The following ZNF831 variants were observed in gnomAD, a reference collection of about 807,000 sequenced individuals.
ZNF831 encodes zinc finger protein 831, also known as chromosome 20 open reading frame 174.
A neutral mutation model predicts 95.8 loss-of-function variants in ZNF831; 59 were observed. The ratio of observed to expected loss-of-function variants is 0.62; its 90% CI spans 0.50 to 0.77. The LOEUF (loss-of-function observed/expected upper bound fraction) is 0.77. Among genes scored for constraint, ZNF831 ranks in the 30% least tolerant of loss-of-function variants. ZNF831 has a pLI of 0.00. For missense variants in ZNF831, 2,205 were observed against 2,164.0 expected, an observed-to-expected ratio of 1.02 and a Z score of -0.38; for synonymous variants, 961 against 925.5, an observed-to-expected ratio of 1.04 and a Z score of -0.70.
Position 59,207,075 on chromosome 20 carries a change from G to A in ZNF831, c.4027+19G>A. 1 of 1,612,206 alleles carries A rather than the reference G, an allele frequency of 6.2e-7. No homozygotes were observed. Among genetic ancestry groups the A allele is most frequent in the Non-Finnish European group, 8.5e-7 (1 of 1,178,888 alleles). ...ATAGCAGGTAATGCTCTCTTTGGAG[G>A]TGCATCCAGACTGGGCACTCGAAGG... On this transcript the variant is annotated intron_variant, in intron 4 of 5. Coordinates refer to ENST00000371030, the MANE Select transcript of ZNF831 (RefSeq NM_178457.3).
chr20:59,192,980 C>T lies in ZNF831; in HGVS notation c.1961C>T (p.Ala654Val). ...KAREVGMGSG[A>V]ELGFPLQKEA... ...AGGGAGGTGGGAATGGGCAGTGGGGCAGAACTGGGCTTTCCTCTGCAGAAA... is the reference window on the plus strand; with the variant it reads ...AGGGAGGTGGGAATGGGCAGTGGGGTAGAACTGGGCTTTCCTCTGCAGAAA... The change falls in exon 2 of 6, where the codon GCA (alanine) becomes GTA (valine). Residue 654 changes from alanine to valine, a missense_variant. Physicochemically the swap from Ala to Val is moderately conservative, Grantham distance 64. Transcript: ENST00000371030. This position sits in a 1 kb window ranked among gnomAD's most constrained non-coding sequence, Gnocchi z 5.2. 1 of 1,585,980 alleles carries T rather than the reference C, an allele frequency of 6.3e-7. No individual in the cohort carries two copies. The highest frequency in any genetic ancestry group is 2.2e-5 in the East Asian group (1 of 44,822).
chr20:59,136,713 G>A (rs928379250), intron 1 of ZNF831, among the ~76,000 whole-genome samples: 2 of 152,286 alleles, frequency 1.3e-5, no homozygotes, highest in South Asian at 2.1e-4. Flanking sequence ...TTCCTCACCA[G>A]ACTCCAGATT....
intron 4 of ZNF831, among the ~76,000 whole-genome samples, chr20:59,248,166 A>T (rs1987712778): frequency 6.6e-6 from 1 of 152,180 alleles, no homozygotes. Flanking sequence ...TCTCTCTAAT[A>T]AGAGTCCCAT....
rs773375248 is a variant in ZNF831 at position 59,192,889 on chromosome 20, G to A, written c.1870G>A (p.Gly624Arg). The change falls in exon 2 of 6, where the codon GGG becomes AGG. Residue 624 changes from glycine (G) to arginine (R), a missense_variant. Transcript: ENST00000371030. This position sits in a 1 kb window ranked among gnomAD's most constrained non-coding sequence, Gnocchi z 5.2. The part of the protein sequence containing the change: ...MFSQEKWQVY[G>R]DETFKRIYQK... ...CTCCCAGGAGAAGTGGCAGGTGTAC[G>A]GGGATGAGACGTTCAAAAGGATCTA... 4 of 1,596,542 alleles carry A rather than the reference G, an allele frequency of 2.5e-6. No individual in the cohort carries two copies. In the Admixed American group the frequency reaches 5.2e-5, roughly 21 times the overall value.
At chr20:59,155,112 A>T (rs1346356479) in intron 2 of ZNF831, among the ~76,000 whole-genome samples, 2 of 152,154 alleles carry the variant, frequency 1.3e-5, no homozygotes, top group African/African-American at 4.8e-5. Flanking sequence ...TTTCCCTGAC[A>T]CCTGGGAGGG....
At chr20:59,176,481 T>C (rs1305127453) in intron 1 of ZNF831, among the ~76,000 whole-genome samples, 1 of 152,162 alleles carries the variant, frequency 6.6e-6, no homozygotes, top group Non-Finnish European at 1.5e-5. Context: ...ATTAAAAAAA[T>C]ACATCCCATT....
chr20:59,246,227 CCTT>C (rs1345712040), intron 4 of ZNF831, among the ~76,000 whole-genome samples: 6 of 152,024 alleles, frequency 3.9e-5, no homozygotes, highest in African/African-American at 1.5e-4. Flanking sequence ...CCTTCACTCT[CCTT>C]CTCTGACAGG....
chr20:59,154,818 G>T (rs1449188746), intron 2 of ZNF831, among the ~76,000 whole-genome samples: 2 of 152,180 alleles, frequency 1.3e-5, no homozygotes, highest in African/African-American at 4.8e-5. Context: ...GCCTGGGGCT[G>T]AATCTTTCTT....
chr20:59,172,396 T>C (rs761022416), intron 1 of ZNF831, among the ~76,000 whole-genome samples: 1 of 152,166 alleles, frequency 6.6e-6, no homozygotes, highest in Non-Finnish European at 1.5e-5. Flanking sequence ...CCTGTCTCAA[T>C]AGTGGTGTCC....
intron 1 of ZNF831, among the ~76,000 whole-genome samples, chr20:59,164,615 G>GT (rs1054445651): frequency 5.9e-5 from 9 of 152,102 alleles, no homozygotes; most frequent in Admixed American, 3.9e-4. Context: ...ATTAGGCCAA[G>GT]TTTTTTATTT....
chr20:59,234,555 A>T (rs1421088046), intron 4 of ZNF831, among the ~76,000 whole-genome samples: 1 of 152,212 alleles, frequency 6.6e-6, no homozygotes, highest in Non-Finnish European at 1.5e-5. Flanking sequence ...TGACGGTAAC[A>T]TCCTAGAGGA....
exon 1 of ZNF831, chr20:59,123,401 CT>C (rs1315674067): frequency 6.6e-6 from 1 of 152,242 alleles, no homozygotes; most frequent in Non-Finnish European, 1.5e-5. Flanking sequence ...TGTGAACATC[CT>C]GTCTCACCAA....
chr20:59,123,828 G>A (rs1979079266), intron 1 of ZNF831, among the ~76,000 whole-genome samples: 2 of 152,188 alleles, frequency 1.3e-5, no homozygotes, highest in Non-Finnish European at 2.9e-5. Flanking sequence ...TCTAATCGGG[G>A]CATTTGATTT....
At chr20:59,229,764 C>T (rs917712955) in intron 4 of ZNF831, among the ~76,000 whole-genome samples, 1 of 152,112 alleles carries the variant, frequency 6.6e-6, no homozygotes, top group Non-Finnish European at 1.5e-5. Context: ...GTGGCATGAT[C>T]GCAGCAGCAG....
chr20:59,239,408 T>C (rs1490114977), intron 4 of ZNF831, among the ~76,000 whole-genome samples: 1 of 152,222 alleles, frequency 6.6e-6, no homozygotes, highest in East Asian at 1.9e-4. Context: ...TCATAACATA[T>C]TTTAAAAGAT....
chr20:59,197,423 G>C (rs1436818424), intron 3 of ZNF831, among the ~76,000 whole-genome samples: 1 of 152,192 alleles, frequency 6.6e-6, no homozygotes, highest in African/African-American at 2.4e-5. Context: ...CAAGGACCCA[G>C]ATTTGAACCA....
At chr20:59,218,520 G>A (rs1033879749) in intron 4 of ZNF831, among the ~76,000 whole-genome samples, 1 of 152,076 alleles carries the variant, frequency 6.6e-6, no homozygotes, top group African/African-American at 2.4e-5. Flanking sequence ...CTCTGCAGGT[G>A]GGTGTGTTCG....
intron 1 of ZNF831, among the ~76,000 whole-genome samples, chr20:59,181,136 CT>C (rs1215808346): frequency 6.6e-6 from 1 of 152,182 alleles, no homozygotes; most frequent in African/African-American, 2.4e-5. Flanking sequence ...TGATGATGAT[CT>C]TTTTTTCATA....
In ZNF831 at chr20:59,253,097, A is replaced by G; in HGVS notation, c.4147A>G (p.Ser1383Gly). ...QTLGTLSLGT[S>G]SRIVREMDKR... ...CTTAGGAACCCTCTCTCTTGGTACA[A>G]GTTCAAGAATTGTCAGGGAAATGGA... is the stretch of plus-strand genomic sequence containing the variant. Residue 1383 changes from serine (S) to glycine (G), a missense_variant, in exon 5 of 6, where the codon AGT (serine) becomes GGT (glycine). By Grantham distance (56) the Ser-to-Gly change is moderately conservative. Transcript: ENST00000371030. 2 of 1,614,162 alleles carry G rather than the reference A, an allele frequency of 1.2e-6. No homozygotes were observed. The highest frequency in any genetic ancestry group is 1.7e-6 in the Non-Finnish European group (2 of 1,180,010).
Sources: gnomAD v4.1 joint callset for allele counts (sites outside exome capture counted in the v4.1 genomes callset) on GRCh38, gnomAD v4.1.1 for gene constraint, Gnocchi (gnomAD v3.1) non-coding constraint, MANE v1.5 for transcripts, NCBI Gene and HGNC (gene_info 2026-07-23, HGNC 2026-07-21) for gene names.